The following ST3GAL3 variants were observed in gnomAD, a reference collection of about 807,000 sequenced individuals.
ST3GAL3 encodes the protein ST3 beta-galactoside alpha-2,3-sialyltransferase 3, also known as CMP-N-acetylneuraminate-beta-1,4-galactoside alpha-2,3-sialyltransferase.
ST3GAL3 carries 21 observed loss-of-function variants against 50.1 expected under a neutral mutation model. The ratio of observed to expected loss-of-function variants is 0.42; its 90% CI spans 0.30 to 0.60. The LOEUF (loss-of-function observed/expected upper bound fraction) is 0.60, where lower values mean the gene tolerates loss of function less well. Among genes scored for constraint, ST3GAL3 ranks in the 20% least tolerant of loss-of-function variants. The pLI, the probability that ST3GAL3 is intolerant of heterozygous loss-of-function variation, is 0.19. For synonymous variants in ST3GAL3, 183 were observed against 190.0 expected, an observed-to-expected ratio of 0.96 and a Z score of 0.30; for missense variants, 353 against 489.4, an observed-to-expected ratio of 0.72 and a Z score of 2.63.
In ST3GAL3 at chr1:43,924,982, T is replaced by A. The variant is rs923295810; in HGVS notation, c.1038+4054T>A. ...AGCATCTGCTGCACTACACTCCCTG[T>A]AGAGTGCTTAAGAGTGTGGCTTCTT... On this transcript the variant is annotated intron_variant, in intron 11 of 11. Coordinates refer to ENST00000347631, the MANE Select transcript of ST3GAL3 (RefSeq NM_006279.5). Among the ~76,000 whole-genome samples, 48 of 152,120 alleles carry A rather than the reference T, an allele frequency of 3.2e-4. 1 individual carries two copies. Among genetic ancestry groups the A allele is most frequent in the African/African-American group, 1.1e-3 (44 of 41,426 alleles).
chr1:43,788,889 G>C (rs546118538), intron 2 of ST3GAL3, among the ~76,000 whole-genome samples: 2 of 151,476 alleles, frequency 1.3e-5, no homozygotes, highest in African/African-American at 4.8e-5. Flanking sequence ...GATCAGAGAG[G>C]TCTTCAAGAA....
At position 43,797,613 on chromosome 1, in the gene ST3GAL3, C is replaced by T. The variant is rs552820683; in HGVS notation, c.166+5464C>T. On this transcript the variant is annotated intron_variant, in intron 3 of 11. Transcript: ENST00000347631. ...AACATCTATTTATGATAAAAACGCT[C>T]AGCAAACATAGAAAGGAACTTCTTC... 3.9e-5 allele frequency among the ~76,000 whole-genome samples: 6 copies of T among 152,284 alleles called. No individual in the cohort carries two copies. In the South Asian group the frequency reaches 6.2e-4, roughly 16 times the overall value.
chr1:43,875,519 G>A (rs1185075437), intron 5 of ST3GAL3, among the ~76,000 whole-genome samples: 6 of 152,058 alleles, frequency 3.9e-5, no homozygotes, highest in East Asian at 1.9e-4. Context: ...TAAACCCCAC[G>A]TGTCATGGGA....
At chr1:43,767,951 T>C (rs566282534) in intron 2 of ST3GAL3, among the ~76,000 whole-genome samples, 193 of 151,926 alleles carry the variant, frequency 1.3e-3, no homozygotes, top group African/African-American at 4.4e-3. Context: ...TGAAAAAAAT[T>C]AGTAATCTAA....
At chr1:43,864,303 CT>C (rs2070773848) in intron 5 of ST3GAL3, among the ~76,000 whole-genome samples, 2 of 152,080 alleles carry the variant, frequency 1.3e-5, no homozygotes, top group South Asian at 4.1e-4. Context: ...AAGAAAGAAA[CT>C]GAGTGGGCAG....
chr1:43,824,181 C>T (rs1193961233), intron 4 of ST3GAL3, among the ~76,000 whole-genome samples: 1 of 151,916 alleles, frequency 6.6e-6, no homozygotes, highest in Non-Finnish European at 1.5e-5. Flanking sequence ...TAACAAAATC[C>T]AGATCTTTCA....
intron 5 of ST3GAL3, chr1:43,850,937 T>C: frequency 9.1e-7 from 1 of 1,103,432 alleles, no homozygotes; most frequent in Non-Finnish European, 1.4e-6. Flanking sequence ...TTTGCCCTCC[T>C]TTCCTGTAGA....
chr1:43,858,091 C>T (rs1003084872), intron 5 of ST3GAL3: 1 of 1,285,142 alleles, frequency 7.8e-7, no homozygotes, highest in South Asian at 1.2e-5. Flanking sequence ...GGTTGCTCAA[C>T]CTTTCTGAGC....
intron 5 of ST3GAL3, among the ~76,000 whole-genome samples, chr1:43,863,556 G>T (rs1426167318): frequency 6.6e-6 from 1 of 152,210 alleles, no homozygotes. Flanking sequence ...GTCACGAAAA[G>T]CTTCAGACCA....
chr1:43,900,201 C>T (rs1356212439), intron 9 of ST3GAL3, among the ~76,000 whole-genome samples: 1 of 152,240 alleles, frequency 6.6e-6, no homozygotes, highest in Non-Finnish European at 1.5e-5. Flanking sequence ...CTTTCTCAGC[C>T]TGGGTTCTGC....
chr1:43,777,498 T>A (rs1275608900), intron 2 of ST3GAL3, among the ~76,000 whole-genome samples: 1 of 152,250 alleles, frequency 6.6e-6, no homozygotes, highest in South Asian at 2.1e-4. Context: ...TCTGATCTTC[T>A]ACAAACCTGA....
chr1:43,731,591 G>T (rs1225368157), intron 1 of ST3GAL3, among the ~76,000 whole-genome samples: 3 of 143,344 alleles, frequency 2.1e-5, no homozygotes, highest in African/African-American at 5.2e-5. Flanking sequence ...TAGAGATGGG[G>T]TTTCACTGTG....
chr1:43,895,357 C>T (rs190189849), intron 6 of ST3GAL3, among the ~76,000 whole-genome samples: 1 of 152,258 alleles, frequency 6.6e-6, no homozygotes, highest in East Asian at 1.9e-4. Context: ...CTTTCCCATC[C>T]CTAGTAGTTG....
At chr1:43,889,250 TATATC>T (rs751493788) in intron 5 of ST3GAL3, among the ~76,000 whole-genome samples, 2 of 151,788 alleles carry the variant, frequency 1.3e-5, no homozygotes, top group African/African-American at 4.8e-5. Context: ...TTTATTTACT[TATATC>T]AAGAAAAAAG....
At chr1:43,729,216 A>G (rs1268534939) in intron 1 of ST3GAL3, among the ~76,000 whole-genome samples, 1 of 151,172 alleles carries the variant, frequency 6.6e-6, no homozygotes, top group African/African-American at 2.4e-5. Context: ...CAGCCTCCCA[A>G]GTAGCTGGGA....
intron 5 of ST3GAL3, among the ~76,000 whole-genome samples, chr1:43,866,879 C>G (rs2071442702): frequency 6.6e-6 from 1 of 152,116 alleles, no homozygotes; most frequent in Non-Finnish European, 1.5e-5. Context: ...TGCCTGTAAT[C>G]CCAGCACTTT....
intron 3 of ST3GAL3, among the ~76,000 whole-genome samples, chr1:43,795,259 A>G (rs530039700): frequency 1.3e-5 from 2 of 152,346 alleles, no homozygotes; most frequent in South Asian, 2.1e-4. Flanking sequence ...GGTTTGTACA[A>G]GGTTCTCAGT....
intron 2 of ST3GAL3, among the ~76,000 whole-genome samples, chr1:43,776,799 G>A (rs143207157): frequency 8.3e-4 from 126 of 152,262 alleles, no homozygotes; most frequent in Non-Finnish European, 1.4e-3. Flanking sequence ...TTGGGGCGCT[G>A]AAAGCTATGT....
chr1:43,730,985 G>T (rs1675481697), intron 1 of ST3GAL3, among the ~76,000 whole-genome samples: 1 of 151,834 alleles, frequency 6.6e-6, no homozygotes, highest in Admixed American at 6.6e-5. Flanking sequence ...GATAATTATT[G>T]TCAATAGTTT....
Sources: allele counts gnomAD v4.1 joint callset (sites outside exome capture counted in the v4.1 genomes callset), GRCh38; gene constraint gnomAD v4.1.1; transcripts MANE v1.5; gene names NCBI Gene and HGNC (gene_info 2026-07-23, HGNC 2026-07-21).